The following TOX3 variants were observed in gnomAD, a reference collection of about 807,000 sequenced individuals.
TOX3 encodes the protein TOX high mobility group box family member 3.
TOX3 carries 22 observed loss-of-function variants against 64.3 expected under a neutral mutation model. The observed-to-expected ratio is 0.34, with a 90% CI of 0.24 to 0.49. The LOEUF (loss-of-function observed/expected upper bound fraction) is 0.49, where lower values mean the gene tolerates loss of function less well. TOX3 is among the 20% of genes least tolerant of loss of function. The pLI is 0.99. For synonymous variants in TOX3, 291 were observed against 273.6 expected, an observed-to-expected ratio of 1.06 and a Z score of -0.63; for missense variants, 661 against 714.4, an observed-to-expected ratio of 0.93 and a Z score of 0.85.
Position 52,546,368 on chromosome 16 carries a change from T to A in TOX3, c.87+269A>T, listed in dbSNP as rs562169990. Among the ~76,000 whole-genome samples the A allele has an allele frequency of 1.9e-4, 28 of 145,044 alleles. 1 individual carries two copies. The South Asian group carries it at 5.8e-3, about 30-fold the overall frequency. On this transcript the variant is annotated intron_variant, in intron 1 of 6. Transcript: ENST00000219746. ...CTTTCAGTCCTCGGGCTCTCTTCGC[T>A]TTTTGGGGGCAGCAAAGGAGAGTCT...
chr16:52,439,621 C>A lies in TOX3; in HGVS notation c.1335G>T (p.Leu445Phe), dbSNP rs753514770. 8 of 1,612,998 alleles carry A rather than the reference C, an allele frequency of 5.0e-6. No individual in the cohort carries two copies. The highest frequency in any genetic ancestry group is 1.7e-5 in the Admixed American group (1 of 59,858). The change falls in exon 7 of 7, where the codon TTG becomes TTT. Residue 445 changes from leucine (L) to phenylalanine (F), a missense_variant. By Grantham distance (22) the Leu-to-Phe change is conservative. Around this residue, in one of 3 missense-constraint regions of TOX3, gnomAD observed 299 missense variants for 292.1 expected, o/e 1.02. Transcript: ENST00000219746. ...SVQTQQHQMQ[L>F]QQQQQQQQQQ... ...GTTGTTGCTGCTGCTGCTGCTGCTG[C>A]AATTGCATCTGATGCTGCTGGGTTT...
chr16:52,532,034 G>C (rs1024532825), intron 1 of TOX3, among the ~76,000 whole-genome samples: 2 of 152,312 alleles, frequency 1.3e-5, no homozygotes, highest in East Asian at 1.9e-4. Flanking sequence ...TGGGGATACA[G>C]GTTGCCCTCT....
chr16:52,462,084 C>A (rs1305014928), intron 3 of TOX3, among the ~76,000 whole-genome samples: 1 of 152,010 alleles, frequency 6.6e-6, no homozygotes, highest in Admixed American at 6.5e-5. Flanking sequence ...TTGTTTCAAG[C>A]CAAAATAAAT....
intron 1 of TOX3, among the ~76,000 whole-genome samples, chr16:52,513,880 C>A (rs1030210377): frequency 1.3e-5 from 2 of 152,068 alleles, no homozygotes; most frequent in Non-Finnish European, 2.9e-5. Context: ...TAATGGGAGG[C>A]CTGTATTAAA....
At chr16:52,501,349 C>T (rs1567337902) in intron 1 of TOX3, among the ~76,000 whole-genome samples, 1 of 152,028 alleles carries the variant, frequency 6.6e-6, no homozygotes, top group Non-Finnish European at 1.5e-5. Context: ...CAGAACATAC[C>T]AAAAATTATA....
chr16:52,454,466 G>A (rs193122736), intron 3 of TOX3, among the ~76,000 whole-genome samples: 201 of 152,172 alleles, frequency 1.3e-3, no homozygotes, highest in Non-Finnish European at 7.9e-4. Context: ...CACTCACCAC[G>A]GTTCACAGTT....
Position 52,486,705 on chromosome 16 carries a change from G to A in TOX3, c.88-18131C>T, listed in dbSNP as rs151260870. On this transcript the variant is annotated intron_variant, in intron 1 of 6. Transcript: ENST00000219746. ...CCAGCACTTTGGGAGACCTAGGCAGGAGAATCAGCTGAGCCCTGGAGTTCG... is the reference window on the plus strand; with the variant it reads ...CCAGCACTTTGGGAGACCTAGGCAGAAGAATCAGCTGAGCCCTGGAGTTCG... Among the ~76,000 whole-genome samples the A allele has an allele frequency of 2.3e-3, 353 of 152,256 alleles. 3 individuals carry two copies. Among genetic ancestry groups the A allele is most frequent in the African/African-American group, 8.0e-3 (334 of 41,546 alleles).
In TOX3 at chr16:52,439,490, T is replaced by A. The variant is rs1314359161; in HGVS notation, c.1466A>T (p.His489Leu). The A allele has an allele frequency of 2.3e-5, 32 of 1,383,956 alleles. No individual in the cohort carries two copies. Among genetic ancestry groups the A allele is most frequent in the Non-Finnish European group, 3.2e-5 (32 of 994,654 alleles). 85.7% of individuals were successfully genotyped at this position (1,383,956 alleles called of 1,614,324 possible). Residue 489 changes from histidine (H) to leucine (L), a missense_variant, in exon 7 of 7, where the codon CAC becomes CTC. Coordinates refer to ENST00000219746, the MANE Select transcript of TOX3 (RefSeq NM_001080430.4). The stretch of plus-strand genomic sequence containing the variant: ...GAGATGCTGCTGCTGCTGCTGCAGG[T>A]GCTGCTGCATGTGGTGCTGGAAATG... ...QQHFQHHMQQ[H>L]LQQQQQHLQQ... is the part of the protein sequence containing the mutation.
intron 4 of TOX3, 100 bp downstream of exon 4, chr16:52,450,177 C>G: frequency 7.1e-7 from 1 of 1,408,302 alleles, no homozygotes; most frequent in Non-Finnish European, 9.8e-7. Context: ...TACTCCAAAT[C>G]CATGAAGACA....
chr16:52,492,335 A>AG (rs1961710646), intron 1 of TOX3, among the ~76,000 whole-genome samples: 1 of 146,400 alleles, frequency 6.8e-6, no homozygotes, highest in Non-Finnish European at 1.5e-5. Flanking sequence ...TTTGGATATT[A>AG]CATTTTCTTC....
intron 1 of TOX3, among the ~76,000 whole-genome samples, chr16:52,525,900 G>A (rs895201631): frequency 3.9e-5 from 6 of 152,176 alleles, no homozygotes; most frequent in African/African-American, 1.4e-4. Context: ...TTTTTAAATA[G>A]TGCAAATATT....
chr16:52,463,479 C>T (rs1960756139), intron 3 of TOX3, among the ~76,000 whole-genome samples: 1 of 152,128 alleles, frequency 6.6e-6, no homozygotes, highest in Non-Finnish European at 1.5e-5. Flanking sequence ...TACTTTTTCC[C>T]TTTTTTGGTA....
In TOX3 at chr16:52,546,901, CA is replaced by C; in HGVS notation, c.-179del. 8.9e-7 allele frequency: 1 copy of C among 1,129,438 alleles called. No homozygotes were observed. The highest frequency in any genetic ancestry group is 4.4e-5 in the South Asian group (1 of 22,650). 70.0% of individuals were successfully genotyped at this position (1,129,438 alleles called of 1,614,324 possible). ...GCTCGGGAGCCGCGGCCGCCGCACA[CA>C]AAGGCGCGGCCACGCGAGCCGCGGG... On this transcript the variant is annotated 5_prime_UTR_variant, in exon 1 of 7. Coordinates refer to ENST00000219746, the MANE Select transcript of TOX3 (RefSeq NM_001080430.4).
intron 4 of TOX3, 126 bp downstream of exon 4, chr16:52,450,151 T>C (rs1043785702): frequency 3.6e-6 from 4 of 1,117,146 alleles, no homozygotes; most frequent in Non-Finnish European, 5.1e-6. Flanking sequence ...CAACAAACCA[T>C]CATACATTTA....
chr16:52,457,144 C>A lies in TOX3; in HGVS notation c.409-6598G>T, dbSNP rs73583138. ...TTCACTCATTTTTTCAAACCTGGAG[C>A]AGTGCTACATTTATCTTTGTGCTGC... On this transcript the variant is annotated intron_variant, in intron 3 of 6. Transcript: ENST00000219746. 7.5e-3 allele frequency among the ~76,000 whole-genome samples: 1,137 copies of A among 152,254 alleles called. 15 individuals carry two copies. The highest frequency in any genetic ancestry group is 0.025 in the African/African-American group (1,048 of 41,544).
chr16:52,487,268 C>T (rs991017496), intron 1 of TOX3, among the ~76,000 whole-genome samples: 1 of 150,734 alleles, frequency 6.6e-6, no homozygotes. Flanking sequence ...TCCCACAATC[C>T]TCTCCATAAC....
At chr16:52,488,475 C>T (rs1160543621) in intron 1 of TOX3, among the ~76,000 whole-genome samples, 3 of 152,172 alleles carry the variant, frequency 2.0e-5, no homozygotes, top group African/African-American at 7.2e-5. Context: ...CATCTTGTTG[C>T]CATGACTTTT....
Position 52,439,468 on chromosome 16 carries a change from A to ATGC in TOX3, c.1485_1487dup (p.Gln495dup), listed in dbSNP as rs769861854. ...GCTGTTGATTAATTTGCTGCTGGAG[A>ATGC]TGCTGCTGCTGCTGCTGCAGGTGCT... is the stretch of plus-strand genomic sequence containing the variant. On this transcript the variant is annotated inframe_insertion, in exon 7 of 7. Coordinates refer to ENST00000219746, the MANE Select transcript of TOX3 (RefSeq NM_001080430.4). 32 of 1,441,888 alleles carry ATGC rather than the reference A, an allele frequency of 2.2e-5. No homozygotes were observed. Among genetic ancestry groups the ATGC allele is most frequent in the East Asian group, 1.5e-4 (6 of 40,424 alleles). 89.3% of individuals were successfully genotyped at this position (1,441,888 alleles called of 1,614,324 possible).
chr16:52,444,498 T>TTCACAC, intron 5 of TOX3, 142 bp from the exon 6 acceptor site: 50 of 324,808 alleles, frequency 1.5e-4, no homozygotes, highest in Non-Finnish European at 1.6e-4. Context: ...TGTTAGCGCA[T>TTCACAC]GCACACACAC....
Sources: allele counts gnomAD v4.1 joint callset (sites outside exome capture counted in the v4.1 genomes callset), GRCh38; gene constraint gnomAD v4.1.1; regional missense constraint gnomAD v4.1.1; transcripts MANE v1.5; gene names NCBI Gene and HGNC (gene_info 2026-07-23, HGNC 2026-07-21).